Variants in VDAC1 observed in about 807,000 individuals in gnomAD.
VDAC1 encodes the protein non-selective voltage-gated ion channel VDAC1.
A neutral mutation model predicts 34.7 loss-of-function variants in VDAC1; 10 were observed. That is an observed-to-expected ratio of 0.29 (90% CI 0.18 to 0.49). The LOEUF is 0.49. Among genes scored for constraint, VDAC1 ranks in the 20% least tolerant of loss-of-function variants. VDAC1 has a pLI of 0.99. For synonymous variants in VDAC1, 130 were observed against 136.0 expected (o/e 0.96, Z 0.30); for missense variants, 230 against 347.9 (o/e 0.66, Z 2.69).
the VDAC1 span, among the ~76,000 whole-genome samples, chr5:134,110,698 A>T: frequency 2.0e-5 from 3 of 152,230 alleles, no homozygotes; most frequent in Non-Finnish European, 4.4e-5. Flanking sequence ...GCTGGTGAGC[A>T]GGAAGAGACG....
intron 5 of VDAC1, among the ~76,000 whole-genome samples, chr5:133,989,540 A>G (rs1237805918): frequency 6.6e-6 from 1 of 151,432 alleles, no homozygotes; most frequent in Non-Finnish European, 1.5e-5. Flanking sequence ...TTGTATTTTT[A>G]TTAGAGATGG....
the VDAC1 span, among the ~76,000 whole-genome samples, chr5:134,108,986 A>G: frequency 4.6e-5 from 7 of 152,190 alleles, no homozygotes; most frequent in Non-Finnish European, 8.8e-5. Flanking sequence ...GACATGCATA[A>G]AACAGCCAGG....
At chr5:134,082,559 T>C in the VDAC1 span, among the ~76,000 whole-genome samples, 5 of 152,336 alleles carry the variant, frequency 3.3e-5, no homozygotes, top group South Asian at 4.1e-4. Context: ...GGTGGACATG[T>C]TTTAATTTCC....
intron 7 of VDAC1, among the ~76,000 whole-genome samples, chr5:133,974,385 T>A (rs1436515684): frequency 1.3e-5 from 2 of 152,126 alleles, no homozygotes; most frequent in Admixed American, 6.5e-5. Context: ...TGCCAGAGAC[T>A]CTGCAAGATG....
the VDAC1 span, among the ~76,000 whole-genome samples, chr5:134,046,516 G>A: frequency 3.3e-5 from 5 of 152,132 alleles, no homozygotes; most frequent in African/African-American, 1.2e-4. Context: ...TGCAAAGTCC[G>A]TTTTGCCATA....
chr5:134,062,468 A>G, the VDAC1 span, among the ~76,000 whole-genome samples: 1 of 151,760 alleles, frequency 6.6e-6, no homozygotes, highest in Non-Finnish European at 1.5e-5. Flanking sequence ...GTTTGCTAAT[A>G]CATTTAGGAA....
intron 1 of VDAC1, among the ~76,000 whole-genome samples, chr5:133,997,717 A>T (rs1183641269): frequency 6.6e-6 from 1 of 150,656 alleles, no homozygotes; most frequent in African/African-American, 2.4e-5. Flanking sequence ...CAAAAAAAAA[A>T]AAAAAAAAAA....
chr5:134,011,190 G>A, the VDAC1 span, among the ~76,000 whole-genome samples: 3 of 151,990 alleles, frequency 2.0e-5, no homozygotes, highest in African/African-American at 7.3e-5. Flanking sequence ...GTAGAGATGG[G>A]ATTTTGCCAT....
the VDAC1 span, among the ~76,000 whole-genome samples, chr5:134,083,430 T>C: frequency 6.6e-6 from 1 of 152,212 alleles, no homozygotes; most frequent in Non-Finnish European, 1.5e-5. Flanking sequence ...CCTCAAGTGA[T>C]TCGCCAGCCT....
At chr5:134,019,286 C>A in the VDAC1 span, among the ~76,000 whole-genome samples, 3 of 152,096 alleles carry the variant, frequency 2.0e-5, no homozygotes, top group Non-Finnish European at 4.4e-5. Context: ...ACTGCAAAAA[C>A]CACAACTTTG....
chr5:134,085,300 C>T, the VDAC1 span, among the ~76,000 whole-genome samples: 1 of 152,028 alleles, frequency 6.6e-6, no homozygotes, highest in Non-Finnish European at 1.5e-5. Flanking sequence ...GATCTCCTGA[C>T]CTCATGATCC....
At chr5:134,066,302 G>A in the VDAC1 span, among the ~76,000 whole-genome samples, 1 of 152,042 alleles carries the variant, frequency 6.6e-6, no homozygotes, top group South Asian at 2.1e-4. Flanking sequence ...ATGCCCGGCC[G>A]ATAGTAAATA....
the VDAC1 span, among the ~76,000 whole-genome samples, chr5:134,053,961 G>A: frequency 2.6e-5 from 4 of 152,172 alleles, no homozygotes; most frequent in Non-Finnish European, 5.9e-5. Context: ...GGCCAGAGGA[G>A]GGAACAATCA....
the VDAC1 span, among the ~76,000 whole-genome samples, chr5:134,084,992 C>T: frequency 6.6e-6 from 1 of 152,200 alleles, no homozygotes; most frequent in East Asian, 1.9e-4. Flanking sequence ...CTCTACCTCA[C>T]AGGCCTGGGA....
the VDAC1 span, among the ~76,000 whole-genome samples, chr5:134,068,378 A>G: frequency 6.7e-6 from 1 of 148,428 alleles, no homozygotes; most frequent in Non-Finnish European, 1.5e-5. Context: ...AATTTTTTCA[A>G]TGAGGGGATG....
At chr5:133,988,162 G>C (rs1752971543) in intron 5 of VDAC1, among the ~76,000 whole-genome samples, 1 of 152,164 alleles carries the variant, frequency 6.6e-6, no homozygotes, top group African/African-American at 2.4e-5. Flanking sequence ...TTAACTTGCT[G>C]ATTCTGATCA....
chr5:134,095,354 G>A, the VDAC1 span, among the ~76,000 whole-genome samples: 2 of 151,852 alleles, frequency 1.3e-5, no homozygotes, highest in East Asian at 1.9e-4. Context: ...ATGGTGGCTC[G>A]TGCCTATAGT....
chr5:133,989,401 C>T (rs1474768621), intron 5 of VDAC1, among the ~76,000 whole-genome samples: 2 of 151,476 alleles, frequency 1.3e-5, no homozygotes, highest in Non-Finnish European at 2.9e-5. Flanking sequence ...TCTCTGTAGC[C>T]CAGGCTGGAG....
upstream of VDAC1, among the ~76,000 whole-genome samples, chr5:134,006,075 C>A (rs764594540): frequency 6.6e-6 from 1 of 152,138 alleles, no homozygotes; most frequent in Non-Finnish European, 1.5e-5. Flanking sequence ...AGGAAGAGGG[C>A]AGCTGATACA....
Sources: gnomAD v4.1 joint callset for allele counts (sites outside exome capture counted in the v4.1 genomes callset) on GRCh38, gnomAD v4.1.1 for gene constraint, MANE v1.5 for transcripts, NCBI Gene and HGNC (gene_info 2026-07-23, HGNC 2026-07-21) for gene names.